The following PLD1 variants were observed in gnomAD, a reference collection of about 807,000 sequenced individuals.
The protein encoded by PLD1 is phospholipase D1, also known as choline phosphatase 1.
Under a neutral mutation model 137.1 loss-of-function variants are expected in PLD1, and 112 were observed. That is an observed-to-expected ratio of 0.82 (90% confidence interval 0.70 to 0.96). PLD1 has a LOEUF of 0.96. Among genes scored for constraint, PLD1 ranks in the 40% least tolerant of loss-of-function variants. The pLI, the probability that PLD1 is intolerant of heterozygous loss-of-function variation, is 0.00. For missense variants in PLD1, 1,321 were observed against 1,342.0 expected (o/e 0.98, Z 0.24); for synonymous variants, 431 against 454.7 (o/e 0.95, Z 0.66).
intron 12 of PLD1, 110 bp from the exon 13 acceptor site, chr3:171,692,552 A>T: frequency 6.4e-6 from 4 of 627,276 alleles, no homozygotes; most frequent in Admixed American, 2.7e-5. Flanking sequence ...TCAGAGTCTC[A>T]CTCTGTCACC....
chr3:171,662,090 T>C lies in PLD1; in HGVS notation c.2310A>G (p.Ile770Met), dbSNP rs568658302. 1.2e-6 allele frequency: 2 copies of C among 1,611,096 alleles called. No individual in the cohort carries two copies. Among genetic ancestry groups the C allele is most frequent in the African/African-American group, 1.3e-5 (1 of 74,978 alleles). The change falls in exon 20 of 27, where the codon ATA becomes ATG. Residue 770 changes from isoleucine (I) to methionine (M), a missense_variant. Ile to Met is a conservative substitution (Grantham distance 10). Coordinates refer to ENST00000351298, the MANE Select transcript of PLD1 (RefSeq NM_002662.5). ...ESIHAAYVHV[I>M]ENSRHYIYIE... ...TATAGATATAGTGCCTGCTGTTCTC[T>C]ATCACATGGACGTAAGCGGCGTGGA...
At chr3:171,796,070 G>T (rs1723421969) in intron 1 of PLD1, among the ~76,000 whole-genome samples, 1 of 152,154 alleles carries the variant, frequency 6.6e-6, no homozygotes, top group South Asian at 2.1e-4. Context: ...CAAAAGAACA[G>T]ATAGTAATTT....
chr3:171,620,756 A>AT (rs1283050533), intron 23 of PLD1, among the ~76,000 whole-genome samples: 7 of 138,290 alleles, frequency 5.1e-5, no homozygotes, highest in African/African-American at 1.8e-4. Flanking sequence ...ATATATATAT[A>AT]TATATATATA....
intron 1 of PLD1, among the ~76,000 whole-genome samples, chr3:171,788,104 G>C (rs561409750): frequency 6.6e-6 from 1 of 151,616 alleles, no homozygotes; most frequent in Non-Finnish European, 1.5e-5. Context: ...CTGCTCCAGA[G>C]AATCACTTGA....
At position 171,709,671 on chromosome 3, in the gene PLD1, C is replaced by G. The variant is rs371728710; in HGVS notation, c.950G>C (p.Arg317Pro). The stretch of plus-strand genomic sequence containing the variant: ...TTCTTCTATAGCCCCTCCCCACCAC[C>G]GAGCATGTCTATAGCTGTTGCATTT... ...ILKCNSYRHA[R>P]WWGGAIEEFI... Residue 317 changes from arginine (R) to proline (P), a missense_variant, in exon 10 of 27, where the codon CGG (arginine) becomes CCG (proline). Arg to Pro is a moderately radical substitution (Grantham distance 103). Coordinates refer to ENST00000351298, the MANE Select transcript of PLD1 (RefSeq NM_002662.5). 1.2e-6 allele frequency: 2 copies of G among 1,613,990 alleles called. No individual in the cohort carries two copies. The highest frequency in any genetic ancestry group is 1.7e-5 in the Admixed American group (1 of 60,008).
At chr3:171,777,284 T>C (rs192327913) in intron 1 of PLD1, among the ~76,000 whole-genome samples, 1 of 152,370 alleles carries the variant, frequency 6.6e-6, no homozygotes, top group Admixed American at 6.5e-5. Context: ...AATTGGTTTC[T>C]ATGTCCCAGG....
chr3:171,652,647 G>A (rs2108407459), intron 21 of PLD1, among the ~76,000 whole-genome samples: 1 of 151,514 alleles, frequency 6.6e-6, no homozygotes, highest in East Asian at 1.9e-4. Context: ...TGTTACCCAG[G>A]CTGGAGTGCA....
chr3:171,670,290 C>T (rs1370891389), intron 19 of PLD1, among the ~76,000 whole-genome samples: 16 of 152,114 alleles, frequency 1.1e-4, no homozygotes, highest in Non-Finnish European at 2.2e-4. Flanking sequence ...TGAAATGTTC[C>T]AAACACATAG....
At chr3:171,760,565 G>C (rs1721327073) in intron 1 of PLD1, among the ~76,000 whole-genome samples, 1 of 152,236 alleles carries the variant, frequency 6.6e-6, no homozygotes, top group African/African-American at 2.4e-5. Flanking sequence ...AAGGAAGAAA[G>C]TGAGCATGCT....
At chr3:171,779,062 G>A (rs573752136) in intron 1 of PLD1, among the ~76,000 whole-genome samples, 13 of 152,172 alleles carry the variant, frequency 8.5e-5, no homozygotes, top group South Asian at 8.3e-4. Context: ...GGTGGCGGGC[G>A]CCTGTAATCC....
At chr3:171,768,134 G>C (rs2108325136) in intron 1 of PLD1, among the ~76,000 whole-genome samples, 1 of 152,220 alleles carries the variant, frequency 6.6e-6, no homozygotes, top group African/African-American at 2.4e-5. Context: ...GGGTTCTTCA[G>C]AATGAAACAG....
At chr3:171,718,664 A>G (rs1175171567) in intron 8 of PLD1, among the ~76,000 whole-genome samples, 1 of 152,158 alleles carries the variant, frequency 6.6e-6, no homozygotes, top group Non-Finnish European at 1.5e-5. Context: ...CACAGGGATC[A>G]AGTGCCTGCC....
chr3:171,692,381 T>G lies in PLD1; in HGVS notation c.1289A>C (p.Asn430Thr), dbSNP rs1262993485. 6.2e-7 allele frequency: 1 copy of G among 1,603,724 alleles called. No individual in the cohort carries two copies. The highest frequency in any genetic ancestry group is 1.3e-5 in the African/African-American group (1 of 74,742). The change falls in exon 13 of 27, where the codon AAT becomes ACT. Residue 430 changes from asparagine (N) to threonine (T), a missense_variant. Coordinates refer to ENST00000351298, the MANE Select transcript of PLD1 (RefSeq NM_002662.5). ...YKEVELALGI[N>T]SEYTKRTLMR... ...CAAAGTCCTCTTGGTGTATTCACTA[T>G]TGATGCCAAGAGCGAGTTCCACCTC...
intron 8 of PLD1, among the ~76,000 whole-genome samples, chr3:171,714,647 T>C (rs1368892657): frequency 6.6e-6 from 1 of 152,250 alleles, no homozygotes; most frequent in Non-Finnish European, 1.5e-5. Context: ...ATATCTATAA[T>C]AAATCTTTAC....
chr3:171,667,226 G>A (rs1712241005), intron 19 of PLD1, among the ~76,000 whole-genome samples: 1 of 152,114 alleles, frequency 6.6e-6, no homozygotes, highest in Admixed American at 6.6e-5. Context: ...TATGCATTGG[G>A]GAGAGAAGGG....
intron 24 of PLD1, among the ~76,000 whole-genome samples, chr3:171,616,758 T>C (rs1733147073): frequency 6.6e-6 from 1 of 152,166 alleles, no homozygotes; most frequent in African/African-American, 2.4e-5. Context: ...CTGCTCACAC[T>C]CTGATTTTAG....
intron 1 of PLD1, among the ~76,000 whole-genome samples, chr3:171,799,052 G>A (rs1385736524): frequency 2.6e-5 from 4 of 152,026 alleles, no homozygotes; most frequent in Non-Finnish European, 4.4e-5. Flanking sequence ...TTAAAAAGAG[G>A]GACTCAGGCC....
chr3:171,805,451 A>T (rs949729175), intron 1 of PLD1, among the ~76,000 whole-genome samples: 1 of 152,094 alleles, frequency 6.6e-6, no homozygotes, highest in African/African-American at 2.4e-5. Context: ...TTCCCTCTGG[A>T]AATATTGCAC....
At chr3:171,653,272 A>G (rs1736931223) in intron 21 of PLD1, 1 of 152,236 alleles carries the variant, frequency 6.6e-6, no homozygotes, top group Non-Finnish European at 1.5e-5. Context: ...AATTATATCA[A>G]TTGCTGATTT....
Sources: allele counts gnomAD v4.1 joint callset (sites outside exome capture counted in the v4.1 genomes callset), GRCh38; gene constraint gnomAD v4.1.1; transcripts MANE v1.5; gene names NCBI Gene and HGNC (gene_info 2026-07-23, HGNC 2026-07-21).